SEMA5A: variants seen among roughly 807,000 people sequenced by gnomAD.
The protein encoded by SEMA5A is semaphorin-5A.
Under a neutral mutation model 135.5 loss-of-function variants are expected in SEMA5A, and 55 were observed. That is an observed-to-expected ratio of 0.41 (90% CI 0.33 to 0.51). SEMA5A has a LOEUF of 0.51. Among genes scored for constraint, SEMA5A ranks in the 20% least tolerant of loss-of-function variants. The pLI, the probability that SEMA5A is intolerant of heterozygous loss-of-function variation, is 0.37. For missense variants in SEMA5A, 1,290 were observed against 1,419.9 expected (o/e 0.91, Z 1.47); for synonymous variants, 580 against 546.5 (o/e 1.06, Z -0.85).
At chr5:9,059,111 T>G (rs1354570) in intron 18 of SEMA5A, among the ~76,000 whole-genome samples, 16,043 of 152,252 alleles carry the variant, frequency 0.11, 1,011 homozygotes, top group African/African-American at 0.16. Flanking sequence ...ACCATCTCAG[T>G]TAAGTCTGAT....
At chr5:9,200,148 C>A (rs1279620685) in intron 9 of SEMA5A, among the ~76,000 whole-genome samples, 1 of 152,188 alleles carries the variant, frequency 6.6e-6, no homozygotes. Context: ...CAAGACCCAA[C>A]ACAAATTAGT....
At chr5:9,072,085 C>CGA in intron 16 of SEMA5A, among the ~76,000 whole-genome samples, 1 of 152,306 alleles carries the variant, frequency 6.6e-6, no homozygotes, top group East Asian at 1.9e-4. Flanking sequence ...CTTCTGTTTC[C>CGA]CACCAATATG....
intron 11 of SEMA5A, among the ~76,000 whole-genome samples, chr5:9,175,486 G>A (rs1744153805): frequency 6.6e-6 from 1 of 152,150 alleles, no homozygotes; most frequent in Non-Finnish European, 1.5e-5. Flanking sequence ...GTTTAACACT[G>A]ACAGGTAGGG....
intron 1 of SEMA5A, among the ~76,000 whole-genome samples, chr5:9,501,060 T>C (rs1302164902): frequency 1.1e-4 from 17 of 152,238 alleles, no homozygotes; most frequent in Admixed American, 7.2e-4. Context: ...GGCTAGAATT[T>C]CTTACACTGA....
chr5:9,543,834 A>G (rs1299364514), intron 1 of SEMA5A, among the ~76,000 whole-genome samples: 1 of 28,438 alleles, frequency 3.5e-5, no homozygotes, highest in Non-Finnish European at 6.3e-5. Flanking sequence ...TGTATTTTTC[A>G]TGAAAAAAAA....
At chr5:9,199,566 T>A (rs574833296) in intron 9 of SEMA5A, among the ~76,000 whole-genome samples, 1 of 152,214 alleles carries the variant, frequency 6.6e-6, no homozygotes, top group Non-Finnish European at 1.5e-5. Context: ...GGAATCAGTA[T>A]GAACAAGCTC....
chr5:9,113,051 T>C (rs1028383959), intron 15 of SEMA5A, among the ~76,000 whole-genome samples: 25 of 152,188 alleles, frequency 1.6e-4, no homozygotes, highest in African/African-American at 6.0e-4. Flanking sequence ...AGGCAGGTCT[T>C]TCTCTAGCTG....
At chr5:9,088,053 G>T (rs1013721) in intron 16 of SEMA5A, among the ~76,000 whole-genome samples, 39,194 of 151,996 alleles carry the variant, frequency 0.26, 5,316 homozygotes, top group Non-Finnish European at 0.31. Context: ...AAGTGCAAAA[G>T]TGGCCTCTCA....
At chr5:9,472,295 G>A (rs767468968) in intron 1 of SEMA5A, among the ~76,000 whole-genome samples, 1 of 152,094 alleles carries the variant, frequency 6.6e-6, no homozygotes, top group Non-Finnish European at 1.5e-5. Flanking sequence ...TGACACTTTT[G>A]AGCATAAGAA....
At chr5:9,331,152 T>G (rs560539883) in intron 4 of SEMA5A, among the ~76,000 whole-genome samples, 1 of 152,234 alleles carries the variant, frequency 6.6e-6, no homozygotes, top group Non-Finnish European at 1.5e-5. Flanking sequence ...ATAAACATCT[T>G]CAGTTTTCCT....
intron 1 of SEMA5A, among the ~76,000 whole-genome samples, chr5:9,451,737 C>T (rs963641573): frequency 1.3e-5 from 2 of 152,184 alleles, no homozygotes; most frequent in African/African-American, 4.8e-5. Context: ...ATCACAACCT[C>T]CCTGAAATAA....
At chr5:9,510,127 T>G (rs73038540) in intron 1 of SEMA5A, among the ~76,000 whole-genome samples, 2,674 of 152,220 alleles carry the variant, frequency 0.018, 79 homozygotes, top group African/African-American at 0.061. Flanking sequence ...GCCTTAAGAT[T>G]GAAAGCCATG....
chr5:9,307,570 C>T (rs527796955), intron 5 of SEMA5A, among the ~76,000 whole-genome samples: 2 of 151,842 alleles, frequency 1.3e-5, no homozygotes, highest in African/African-American at 4.8e-5. Context: ...TTACAGAACA[C>T]ATTATCTCTT....
chr5:9,341,211 C>G (rs945807274), intron 3 of SEMA5A, among the ~76,000 whole-genome samples: 1 of 151,448 alleles, frequency 6.6e-6, no homozygotes, highest in East Asian at 1.9e-4. Context: ...CACATACACA[C>G]ACACACACAC....
chr5:9,325,238 CT>C (rs10710962), intron 4 of SEMA5A, among the ~76,000 whole-genome samples: 35,983 of 145,106 alleles, frequency 0.25, 5,842 homozygotes, highest in African/African-American at 0.47. Context: ...TATGGATCTA[CT>C]TTTTTTTTTT....
rs1365707925 is a variant in SEMA5A at position 9,443,240 on chromosome 5, T to TGG, written c.-174-5390_-174-5389dup. 2.0e-5 allele frequency among the ~76,000 whole-genome samples: 3 copies of TGG among 152,070 alleles called. No individual in the cohort carries two copies. In the East Asian group the frequency reaches 5.8e-4, roughly 29 times the overall value. On this transcript the variant is annotated intron_variant, in intron 1 of 22. Coordinates refer to ENST00000382496, the MANE Select transcript of SEMA5A (RefSeq NM_003966.3). ...TTGAAAGAATGGCAATCTCTGTGGC[T>TGG]GGGGGTCCTTGGAAACCCCAGCCAC...
intron 11 of SEMA5A, among the ~76,000 whole-genome samples, chr5:9,167,109 G>T: frequency 6.6e-6 from 1 of 152,098 alleles, no homozygotes; most frequent in Non-Finnish European, 1.5e-5. Flanking sequence ...AAAAAAGAGA[G>T]CTCTCTTACT....
intron 2 of SEMA5A, among the ~76,000 whole-genome samples, chr5:9,400,300 A>G (rs996309606): frequency 1.3e-5 from 2 of 152,230 alleles, no homozygotes; most frequent in Admixed American, 6.5e-5. Context: ...CGTTCTGCAC[A>G]TGTATCCCAG....
chr5:9,089,005 TA>T (rs1227086692), intron 16 of SEMA5A, among the ~76,000 whole-genome samples: 2 of 152,212 alleles, frequency 1.3e-5, no homozygotes, highest in East Asian at 3.9e-4. Context: ...TCTGTTCTCC[TA>T]AATTTACCTG....
Sources: allele counts gnomAD v4.1 joint callset (sites outside exome capture counted in the v4.1 genomes callset), GRCh38; gene constraint gnomAD v4.1.1; transcripts MANE v1.5; gene names NCBI Gene and HGNC (gene_info 2026-07-23, HGNC 2026-07-21).